The following BRIP1 variants were observed in gnomAD, a reference collection of about 807,000 sequenced individuals.
The protein encoded by BRIP1 is BRCA1 interacting DNA helicase 1.
In BRIP1, 88 loss-of-function variants were observed where a neutral mutation model predicts 119.7. The ratio of observed to expected loss-of-function variants is 0.74; its 90% CI spans 0.62 to 0.88. BRIP1 has a LOEUF of 0.88. Ranked by LOEUF, BRIP1 falls within the 40% of genes least tolerant of loss-of-function variation. BRIP1 has a pLI of 0.00. For synonymous variants in BRIP1, 443 were observed against 496.5 expected (o/e 0.89, Z 1.43); for missense variants, 1,259 against 1,455.4 (o/e 0.87, Z 2.20).
chr17:61,724,891 A>G lies in BRIP1; in HGVS notation c.2380-8828T>C, dbSNP rs2076744831. ...TGCAGGGCCTAAAGCCTAAACATTT[A>G]CAGCAAACCAAATCTGGAAGACAGA... On this transcript the variant is annotated intron_variant, in intron 16 of 19. Coordinates refer to ENST00000259008, the MANE Select transcript of BRIP1 (RefSeq NM_032043.3). This position sits in a 1 kb window ranked among gnomAD's most constrained non-coding sequence, Gnocchi z 5.1. Among the ~76,000 whole-genome samples, 1 of 152,240 alleles carries G rather than the reference A, an allele frequency of 6.6e-6. No individual in the cohort carries two copies. The highest frequency in any genetic ancestry group is 1.5e-5 in the Non-Finnish European group (1 of 68,034).
rs1567747751 is a variant in BRIP1 at position 61,705,324 on chromosome 17, C to T, written c.2492+10627G>A. ...CCACGGTGTATATGTACCACATTTT[C>T]TTTATCTAGTCCACCGTTGATAGGT... On this transcript the variant is annotated intron_variant, in intron 17 of 19. Transcript: ENST00000259008. This position sits in a 1 kb window ranked among gnomAD's most constrained non-coding sequence, Gnocchi z 5.0. Among the ~76,000 whole-genome samples the T allele has an allele frequency of 1.3e-5, 2 of 152,102 alleles. No homozygotes were observed.
At position 61,693,329 on chromosome 17, in the gene BRIP1, G is replaced by C; in HGVS notation, c.2575+101C>G. Reference sequence around the variant, plus strand: ...CTTATAGTTAACAATATTGTACTGTGCACTTAATAAGATAGTAGAGCTCAT... The same window carrying C: ...CTTATAGTTAACAATATTGTACTGTCCACTTAATAAGATAGTAGAGCTCAT... On this transcript the variant is annotated intron_variant, in intron 18 of 19. Coordinates refer to ENST00000259008, the MANE Select transcript of BRIP1 (RefSeq NM_032043.3). This position sits in a 1 kb window ranked among gnomAD's most constrained non-coding sequence, Gnocchi z 4.2. 9.8e-7 allele frequency: 1 copy of C among 1,024,710 alleles called. No individual in the cohort carries two copies. Among genetic ancestry groups the C allele is most frequent in the Middle Eastern group, 2.3e-4 (1 of 4,330 alleles). The allele number at this position is 1,024,710 out of a possible 1,614,324, so 63.5% of individuals were successfully genotyped here. A position where few individuals can be genotyped will look rare whatever the true frequency, so the allele number is the denominator to read the frequency against.
chr17:61,836,755 T>C (rs965577350), intron 6 of BRIP1, among the ~76,000 whole-genome samples: 5 of 152,172 alleles, frequency 3.3e-5, no homozygotes, highest in Non-Finnish European at 5.9e-5. Context: ...TTGTAAATGC[T>C]TAGATTTGGT....
intron 16 of BRIP1, among the ~76,000 whole-genome samples, chr17:61,716,832 A>AAATAATATTCTTCCATATT (rs1555581245): frequency 6.6e-6 from 1 of 151,220 alleles, no homozygotes; most frequent in African/African-American, 2.4e-5. Flanking sequence ...CCACTACTGG[A>AAATAATATTCTTCCATATT]TTATTAGCTA....
rs2078986891 is a variant in BRIP1 at position 61,862,604 on chromosome 17, A to G, written c.-31+680T>C. Among the ~76,000 whole-genome samples the G allele has an allele frequency of 3.9e-5, 6 of 152,220 alleles. No homozygotes were observed. Reference sequence around the variant, plus strand: ...AGCATAAGTTTCTGTACATGATTGCATTTTTCTGAAGAAAAAGTCCATAGA... The same window carrying G: ...AGCATAAGTTTCTGTACATGATTGCGTTTTTCTGAAGAAAAAGTCCATAGA... On this transcript the variant is annotated intron_variant, in intron 1 of 19. Coordinates refer to ENST00000259008, the MANE Select transcript of BRIP1 (RefSeq NM_032043.3). The surrounding 1 kb of genome is among the most constrained non-coding windows in gnomAD (Gnocchi z 5.3).
chr17:61,762,073 C>T lies in BRIP1; in HGVS notation c.2097+14328G>A, dbSNP rs776532503. ...CATAAAAAACAGCCACAGTGACCAA[C>T]GAAACAAAGAGCACAGAAAGAAACC... On this transcript the variant is annotated intron_variant, in intron 14 of 19. Transcript: ENST00000259008. The surrounding 1 kb of genome is among the most constrained non-coding windows in gnomAD (Gnocchi z 4.3). 1.1e-4 allele frequency among the ~76,000 whole-genome samples: 17 copies of T among 151,664 alleles called. No individual in the cohort carries two copies. The highest frequency in any genetic ancestry group is 2.2e-4 in the Non-Finnish European group (15 of 67,832).
Position 61,691,019 on chromosome 17 carries a change from G to A in BRIP1, c.2575+2411C>T, listed in dbSNP as rs2061439574. Among the ~76,000 whole-genome samples the A allele has an allele frequency of 6.7e-6, 1 of 149,488 alleles. No individual in the cohort carries two copies. Among genetic ancestry groups the A allele is most frequent in the Non-Finnish European group, 1.5e-5 (1 of 67,532 alleles). ...AAACATGGCATGTTCTCACTCATAG[G>A]TGAGAACTGAACAATGAGAACACTT... On this transcript the variant is annotated intron_variant, in intron 18 of 19. Coordinates refer to ENST00000259008, the MANE Select transcript of BRIP1 (RefSeq NM_032043.3). This position sits in a 1 kb window ranked among gnomAD's most constrained non-coding sequence, Gnocchi z 5.0.
rs1327587646 is a variant in BRIP1 at position 61,686,792 on chromosome 17, C to A, written c.2576-627G>T. Among the ~76,000 whole-genome samples the A allele has an allele frequency of 2.0e-5, 3 of 151,952 alleles. No homozygotes were observed. Among genetic ancestry groups the A allele is most frequent in the African/African-American group, 4.8e-5 (2 of 41,384 alleles). On this transcript the variant is annotated intron_variant, in intron 18 of 19. Transcript: ENST00000259008. The surrounding 1 kb of genome is among the most constrained non-coding windows in gnomAD (Gnocchi z 5.4). ...TTTGACCTGTGACATAAAAACTGCA[C>A]AAAAATGAAACCTAAGAGTTTAAGG...
In BRIP1 at chr17:61,780,533, GC is replaced by G; in HGVS notation, c.1795-133del. The G allele has an allele frequency of 1.2e-6, 1 of 852,696 alleles. No homozygotes were observed. The highest frequency in any genetic ancestry group is 1.9e-6 in the Non-Finnish European group (1 of 525,518). 52.8% of individuals were successfully genotyped at this position (852,696 alleles called of 1,614,324 possible). ...GCTTGAGTCTAGGAGTCTGAGACCA[GC>G]CTGGGCAATATGGTGAAACCCCGTC... is the stretch of plus-strand genomic sequence containing the variant. On this transcript the variant is annotated intron_variant, in intron 12 of 19. Coordinates refer to ENST00000259008, the MANE Select transcript of BRIP1 (RefSeq NM_032043.3). This position sits in a 1 kb window ranked among gnomAD's most constrained non-coding sequence, Gnocchi z 5.4.
chr17:61,806,489 A>C lies in BRIP1; in HGVS notation c.918+1978T>G, dbSNP rs548298625. Among the ~76,000 whole-genome samples, 156 of 152,318 alleles carry C rather than the reference A, an allele frequency of 1.0e-3. No homozygotes were observed. The highest frequency in any genetic ancestry group is 3.6e-3 in the African/African-American group (151 of 41,580). ...AAAATACCTGTTCACTTTAAGACAA[A>C]CTAAAGGCCAATGAAAAATTCGGAA... On this transcript the variant is annotated intron_variant, in intron 7 of 19. Transcript: ENST00000259008. This position sits in a 1 kb window ranked among gnomAD's most constrained non-coding sequence, Gnocchi z 4.9.
chr17:61,806,166 G>A lies in BRIP1; in HGVS notation c.918+2301C>T, dbSNP rs1248073410. ...AGAAAAGCTCATCCATTTTAGCAGT[G>A]TAACACAACCCTGAGGAAGTCTGTC... On this transcript the variant is annotated intron_variant, in intron 7 of 19. Coordinates refer to ENST00000259008, the MANE Select transcript of BRIP1 (RefSeq NM_032043.3). The surrounding 1 kb of genome is among the most constrained non-coding windows in gnomAD (Gnocchi z 4.9). Among the ~76,000 whole-genome samples, 2 of 152,166 alleles carry A rather than the reference G, an allele frequency of 1.3e-5. No individual in the cohort carries two copies. Among genetic ancestry groups the A allele is most frequent in the African/African-American group, 4.8e-5 (2 of 41,434 alleles).
At chr17:61,777,465 C>CA (rs2145044178) in intron 13 of BRIP1, among the ~76,000 whole-genome samples, 1 of 152,102 alleles carries the variant, frequency 6.6e-6, no homozygotes, top group East Asian at 1.9e-4. Flanking sequence ...GTTGAGGGCT[C>CA]AGTCCCCAAG....
chr17:61,685,722 T>G (rs1260130357), intron 19 of BRIP1, 114 bp downstream of exon 19: 5 of 974,736 alleles, frequency 5.1e-6, no homozygotes, highest in Non-Finnish European at 7.8e-6. Context: ...TGATAACACC[T>G]TATATTACAA....
chr17:61,732,622 T>TA (rs1281956352), intron 16 of BRIP1, among the ~76,000 whole-genome samples: 1 of 152,166 alleles, frequency 6.6e-6, no homozygotes, highest in Non-Finnish European at 1.5e-5. Flanking sequence ...CTGCATTTTG[T>TA]ACAAATTAAG....
chr17:61,812,923 A>G (rs983917295), intron 6 of BRIP1, among the ~76,000 whole-genome samples: 7 of 152,182 alleles, frequency 4.6e-5, no homozygotes, highest in Non-Finnish European at 1.0e-4. Context: ...GTAACATACC[A>G]CAATGTCAAC....
In BRIP1 at chr17:61,799,607, A is replaced by G. The variant is rs2077959135; in HGVS notation, c.1141-308T>C. ...GCTACACAGAAAGGTATAAAATCCC[A>G]CTATGAAAGTGTTTCCAACATAATT... On this transcript the variant is annotated intron_variant, in intron 8 of 19. Coordinates refer to ENST00000259008, the MANE Select transcript of BRIP1 (RefSeq NM_032043.3). This position sits in a 1 kb window ranked among gnomAD's most constrained non-coding sequence, Gnocchi z 5.1. Among the ~76,000 whole-genome samples, 1 of 152,156 alleles carries G rather than the reference A, an allele frequency of 6.6e-6. No individual in the cohort carries two copies. Among genetic ancestry groups the G allele is most frequent in the Admixed American group, 6.6e-5 (1 of 15,252 alleles).
In BRIP1 at chr17:61,683,122, C is replaced by T. The variant is rs774889346; in HGVS notation, c.*174G>A. On this transcript the variant is annotated 3_prime_UTR_variant, in exon 20 of 20. Coordinates refer to ENST00000259008, the MANE Select transcript of BRIP1 (RefSeq NM_032043.3). This position sits in a 1 kb window ranked among gnomAD's most constrained non-coding sequence, Gnocchi z 4.7. ...TTCCAGCCTGGGCAACAGACCAAGACTCTGTCTCAAAAAAAAAAACCCAAA... is the reference window on the plus strand; with the variant it reads ...TTCCAGCCTGGGCAACAGACCAAGATTCTGTCTCAAAAAAAAAAACCCAAA... The T allele has an allele frequency of 1.5e-5, 11 of 740,538 alleles. 1 individual carries two copies. In the Middle Eastern group the frequency reaches 1.6e-3, roughly 110 times the overall value. The allele number at this position is 740,538 out of a possible 1,614,324, so 45.9% of individuals were successfully genotyped here.
intron 17 of BRIP1, among the ~76,000 whole-genome samples, chr17:61,714,281 TTCAC>T (rs966590028): frequency 1.3e-5 from 2 of 152,252 alleles, no homozygotes; most frequent in Admixed American, 6.5e-5. Context: ...GGCCTTCACA[TTCAC>T]TCACTACTTG....
rs1204113301 is a variant in BRIP1, at chr17:61,748,909, G to A, written c.2098-4318C>T. On this transcript the variant is annotated intron_variant, in intron 14 of 19. Transcript: ENST00000259008. This position sits in a 1 kb window ranked among gnomAD's most constrained non-coding sequence, Gnocchi z 4.7. Reference sequence around the variant, plus strand: ...TCCCAGCACTTTGGGAGGCCAAGGCGGGCAGATCACGAGGTCAGGAGATTG... The same window carrying A: ...TCCCAGCACTTTGGGAGGCCAAGGCAGGCAGATCACGAGGTCAGGAGATTG... 4.6e-5 allele frequency among the ~76,000 whole-genome samples: 7 copies of A among 152,138 alleles called. No homozygotes were observed. Among genetic ancestry groups the A allele is most frequent in the African/African-American group, 1.4e-4 (6 of 41,438 alleles).
Sources: gnomAD v4.1 joint callset for allele counts (sites outside exome capture counted in the v4.1 genomes callset) on GRCh38, gnomAD v4.1.1 for gene constraint, Gnocchi (gnomAD v3.1) non-coding constraint, MANE v1.5 for transcripts, NCBI Gene and HGNC (gene_info 2026-07-23, HGNC 2026-07-21) for gene names.